The following TMEM87A variants were observed in gnomAD, a reference collection of about 807,000 sequenced individuals.
The protein encoded by TMEM87A is transmembrane protein 87A.
TMEM87A carries 50 observed loss-of-function variants against 90.0 expected under a neutral mutation model. The observed-to-expected ratio is 0.56, with a 90% CI of 0.44 to 0.70. The LOEUF (loss-of-function observed/expected upper bound fraction) is 0.70. Ranked by LOEUF, TMEM87A falls within the 30% of genes least tolerant of loss-of-function variation. The pLI is 0.00. For missense variants in TMEM87A, 577 were observed against 660.5 expected (o/e 0.87, Z 1.39); for synonymous variants, 226 against 226.7 (o/e 1.00, Z 0.03).
chr15:42,267,965 A>C lies in TMEM87A; in HGVS notation c.273T>G (p.Asn91Lys). 6.2e-7 allele frequency: 1 copy of C among 1,613,402 alleles called. No homozygotes were observed. Among genetic ancestry groups the C allele is most frequent in the Non-Finnish European group, 8.5e-7 (1 of 1,179,650 alleles). Reference sequence around the variant, plus strand: ...TCCTTACCTTGAAGTTATAGATTTCATTGTAACAATCAGCGCTTTTCAGAT... The same window carrying C: ...TCCTTACCTTGAAGTTATAGATTTCCTTGTAACAATCAGCGCTTTTCAGAT... Reference protein sequence around the residue: ...TWYLKSADCYNEIYNFKAEEV... With the variant: ...TWYLKSADCYKEIYNFKAEEV... The change falls in exon 3 of 20, where the codon AAT (asparagine) becomes AAG (lysine). Residue 91 changes from asparagine to lysine, a missense_variant. Physicochemically the swap from Asn to Lys is moderately conservative, Grantham distance 94. Transcript: ENST00000389834.
chr15:42,266,406 C>T (rs1228014646), intron 3 of TMEM87A, among the ~76,000 whole-genome samples: 1 of 151,806 alleles, frequency 6.6e-6, no homozygotes, highest in African/African-American at 2.4e-5. Flanking sequence ...ATCCCAGCTA[C>T]TTGGGAGGCT....
At position 42,261,207 on chromosome 15, in the gene TMEM87A, C is replaced by A; in HGVS notation, c.448G>T (p.Glu150Ter). Residue 150 changes from glutamate (E) to a stop codon, truncating the protein, a stop_gained, in exon 5 of 20, where the codon GAA (glutamate) becomes TAA (stop). Coordinates refer to ENST00000389834, the MANE Select transcript of TMEM87A (RefSeq NM_015497.5). LOFTEE classifies it high-confidence loss of function. ...DFMHRLPLLG[E>*]KQEAKENGTN... ...ATGAAAACAATTACCTCCTGTTTTT[C>A]TCCTAAAAGAGGCAGTCGATGCATA... is the stretch of plus-strand genomic sequence containing the variant. The A allele has an allele frequency of 1.2e-6, 2 of 1,613,006 alleles. No individual in the cohort carries two copies. The highest frequency in any genetic ancestry group is 8.5e-7 in the Non-Finnish European group (1 of 1,179,684).
At chr15:42,242,119 G>A (rs2050883233) in intron 7 of TMEM87A, among the ~76,000 whole-genome samples, 1 of 148,470 alleles carries the variant, frequency 6.7e-6, no homozygotes, top group Non-Finnish European at 1.5e-5. Flanking sequence ...AAGGATATAA[G>A]CTCAAAAACA....
At chr15:42,230,352 T>C (rs1226275297) in intron 12 of TMEM87A, among the ~76,000 whole-genome samples, 2 of 152,248 alleles carry the variant, frequency 1.3e-5, no homozygotes, top group African/African-American at 4.8e-5. Context: ...AAAACTCTTA[T>C]ACAGCAACCC....
At chr15:42,227,157 C>T (rs2140927815) in intron 14 of TMEM87A, among the ~76,000 whole-genome samples, 1 of 152,288 alleles carries the variant, frequency 6.6e-6, no homozygotes, top group East Asian at 1.9e-4. Context: ...AAAGCTTCAT[C>T]ATCCCTCTGA....
At chr15:42,268,109 C>T in intron 2 of TMEM87A, 77 bp from the exon 3 acceptor site, 4 of 1,241,896 alleles carry the variant, frequency 3.2e-6, no homozygotes, top group East Asian at 2.4e-5. Flanking sequence ...AACCTATATC[C>T]TATTCATTTC....
chr15:42,246,831 C>T (rs1418932643), intron 6 of TMEM87A, among the ~76,000 whole-genome samples: 1 of 152,284 alleles, frequency 6.6e-6, no homozygotes, highest in African/African-American at 2.4e-5. Context: ...GCTGGGTCAA[C>T]TGGTATTTCT....
intron 7 of TMEM87A, among the ~76,000 whole-genome samples, chr15:42,242,302 A>C (rs374344043): frequency 1.3e-5 from 2 of 152,094 alleles, no homozygotes; most frequent in East Asian, 3.8e-4. Context: ...AGTACATGGG[A>C]TCATTGAAGC....
At chr15:42,272,314 T>C (rs1309186667) in intron 1 of TMEM87A, among the ~76,000 whole-genome samples, 191 bp from the exon 2 acceptor site, 1 of 152,214 alleles carries the variant, frequency 6.6e-6, no homozygotes, top group Non-Finnish European at 1.5e-5. Context: ...TGAACTATTC[T>C]GTGTGCAAAT....
At chr15:42,238,478 G>A (rs1450885731) in intron 8 of TMEM87A, among the ~76,000 whole-genome samples, 1 of 152,116 alleles carries the variant, frequency 6.6e-6, no homozygotes, top group Admixed American at 6.6e-5. Context: ...GCTGAGGCAG[G>A]AGAATCGCTT....
At position 42,273,404 on chromosome 15, in the gene TMEM87A, C is replaced by T. The variant is rs756291514; in HGVS notation, c.-6G>A. 2.5e-6 allele frequency: 4 copies of T among 1,613,946 alleles called. No individual in the cohort carries two copies. The highest frequency in any genetic ancestry group is 1.7e-5 in the Admixed American group (1 of 60,028). ...AGCCACGCAGCCGCCGCCATCTTCA[C>T]AGCCGTGGAGTGCCTACCGAAAGCA... On this transcript the variant is annotated 5_prime_UTR_variant, in exon 1 of 20. It adds an upstream start codon to the 5' untranslated region. Coordinates refer to ENST00000389834, the MANE Select transcript of TMEM87A (RefSeq NM_015497.5).
rs1390186246 is a variant in TMEM87A at position 42,244,059 on chromosome 15, G to C, written c.613C>G (p.Leu205Val). Residue 205 changes from leucine to valine, a missense_variant, in exon 7 of 20, where the codon CTT (leucine) becomes GTT (valine). Transcript: ENST00000389834. ...ESSKENSLSN[L>V]FTMTVEVKGP... ...AAAAAACTGAACTTACTGGTAAAAA[G>C]ATTACTCAGTGAATTTTCTTTTGAT... 1 of 1,553,338 alleles carries C rather than the reference G, an allele frequency of 6.4e-7. No individual in the cohort carries two copies. Among genetic ancestry groups the C allele is most frequent in the Non-Finnish European group, 8.7e-7 (1 of 1,154,978 alleles).
Position 42,273,425 on chromosome 15 carries a change from A to T in TMEM87A, c.-27T>A. On this transcript the variant is annotated 5_prime_UTR_variant, in exon 1 of 20. Transcript: ENST00000389834. Reference sequence around the variant, plus strand: ...TTCACAGCCGTGGAGTGCCTACCGAAAGCATTTCACCCTCTTCCGGTTCGT... The same window carrying T: ...TTCACAGCCGTGGAGTGCCTACCGATAGCATTTCACCCTCTTCCGGTTCGT... 6.2e-7 allele frequency: 1 copy of T among 1,612,944 alleles called. No homozygotes were observed. Among genetic ancestry groups the T allele is most frequent in the Non-Finnish European group, 8.5e-7 (1 of 1,179,710 alleles).
intron 13 of TMEM87A, among the ~76,000 whole-genome samples, chr15:42,228,409 A>G (rs2050632961): frequency 6.6e-6 from 1 of 152,226 alleles, no homozygotes; most frequent in African/African-American, 2.4e-5. Context: ...TTCTAAAAGG[A>G]GTACTCTCTG....
chr15:42,228,681 T>C (rs375085218), intron 13 of TMEM87A, 31 bp downstream of exon 13: 2 of 1,578,384 alleles, frequency 1.3e-6, no homozygotes, highest in Non-Finnish European at 1.7e-6. Flanking sequence ...CAGATCACAT[T>C]TGAACTCCAA....
intron 6 of TMEM87A, among the ~76,000 whole-genome samples, chr15:42,254,760 TATG>T (rs1195851981): frequency 1.6e-4 from 24 of 152,228 alleles, no homozygotes; most frequent in Non-Finnish European, 2.9e-4. Flanking sequence ...AACTATTCTG[TATG>T]ATACTACAAA....
At chr15:42,218,536 A>G (rs1034775211) in intron 17 of TMEM87A, among the ~76,000 whole-genome samples, 158 bp from the exon 18 acceptor site, 4 of 152,214 alleles carry the variant, frequency 2.6e-5, no homozygotes, top group African/African-American at 9.6e-5. Flanking sequence ...ATTTTTAAAA[A>G]CATTTTTAAA....
intron 6 of TMEM87A, among the ~76,000 whole-genome samples, chr15:42,253,410 C>T (rs2051120830): frequency 6.6e-6 from 1 of 152,164 alleles, no homozygotes; most frequent in Middle Eastern, 3.2e-3. Context: ...CTGTTATCCC[C>T]TTCCCTATGC....
intron 17 of TMEM87A, chr15:42,218,936 TGA>T (rs1336543462): frequency 1.3e-5 from 2 of 153,076 alleles, no homozygotes; most frequent in African/African-American, 4.8e-5. Context: ...CCCAGTGACA[TGA>T]ATCCTGGATC....
Sources: allele counts gnomAD v4.1 joint callset (sites outside exome capture counted in the v4.1 genomes callset), GRCh38; gene constraint gnomAD v4.1.1; transcripts MANE v1.5; gene names NCBI Gene and HGNC (gene_info 2026-07-23, HGNC 2026-07-21).